COL5A1: variants seen among roughly 807,000 people sequenced by gnomAD.
The protein encoded by COL5A1 is collagen type V alpha 1 chain, also known as collagen alpha-1(V) chain.
A neutral mutation model predicts 263.7 loss-of-function variants in COL5A1; 16 were observed. The ratio of observed to expected loss-of-function variants is 0.06; its 90% CI spans 0.04 to 0.09. COL5A1 has a LOEUF of 0.09. Ranked by LOEUF, COL5A1 falls within the 10% of genes least tolerant of loss-of-function variation. The probability of loss-of-function intolerance (pLI) is 1.00; values close to 1 mark genes in which losing one functional copy is unlikely to be tolerated. For synonymous variants in COL5A1, 1,012 were observed against 1,004.5 expected (o/e 1.01, Z -0.14); for missense variants, 2,036 against 2,540.5 (o/e 0.80, Z 4.27).
Position 134,680,215 on chromosome 9 carries a change from A to C in COL5A1, c.110-10697A>C, listed in dbSNP as rs1832813358. On this transcript the variant is annotated intron_variant, in intron 1 of 65. Transcript: ENST00000371817. This position sits in a 1 kb window ranked among gnomAD's most constrained non-coding sequence, Gnocchi z 5.9. ...CCTCTGGGTACCTCAGAGCCCACTC[A>C]GGGCAGCCATCCAGGCGAAGGTTAA... 6.6e-6 allele frequency among the ~76,000 whole-genome samples: 1 copy of C among 152,200 alleles called. No individual in the cohort carries two copies. The highest frequency in any genetic ancestry group is 6.5e-5 in the Admixed American group (1 of 15,284).
At chr9:134,823,252 A>G (rs1839096788) in intron 60 of COL5A1, among the ~76,000 whole-genome samples, 164 bp from the exon 61 acceptor site, 1 of 152,178 alleles carries the variant, frequency 6.6e-6, no homozygotes, top group Non-Finnish European at 1.5e-5. Flanking sequence ...TCTCATCTCA[A>G]GGATCCAGGA....
intron 16 of COL5A1, among the ~76,000 whole-genome samples, chr9:134,756,391 G>T (rs952129426): frequency 1.4e-4 from 22 of 152,210 alleles, no homozygotes; most frequent in African/African-American, 5.1e-4. Flanking sequence ...GATGTCAGTG[G>T]CCTGCACTCG....
At chr9:134,645,619 C>T (rs4475579) in intron 1 of COL5A1, among the ~76,000 whole-genome samples, 15,381 of 152,292 alleles carry the variant, frequency 0.1, 1,094 homozygotes, top group South Asian at 0.13. Context: ...TGAGCATCAG[C>T]TGCACCATCT....
chr9:134,760,631 C>A (rs1467495175), intron 18 of COL5A1, among the ~76,000 whole-genome samples: 9 of 120,686 alleles, frequency 7.5e-5, no homozygotes, highest in East Asian at 2.9e-4. Context: ...ACCCACACAC[C>A]CCCACACTCA....
intron 63 of COL5A1, among the ~76,000 whole-genome samples, chr9:134,827,368 C>T (rs1027706316): frequency 6.6e-6 from 1 of 152,224 alleles, no homozygotes; most frequent in Non-Finnish European, 1.5e-5. Flanking sequence ...TCCCCTCCCC[C>T]ACCTGAAGTT....
At chr9:134,669,726 G>A (rs1229586085) in intron 1 of COL5A1, among the ~76,000 whole-genome samples, 6 of 152,180 alleles carry the variant, frequency 3.9e-5, no homozygotes, top group Non-Finnish European at 5.9e-5. Flanking sequence ...CTACCACGCC[G>A]GAGGAAGTGG....
intron 19 of COL5A1, among the ~76,000 whole-genome samples, 161 bp from the exon 20 acceptor site, chr9:134,763,532 G>C (rs1836546319): frequency 6.6e-6 from 1 of 152,256 alleles, no homozygotes; most frequent in South Asian, 2.1e-4. Context: ...AGCTTGCTGG[G>C]AGCGAGGACA....
intron 1 of COL5A1, among the ~76,000 whole-genome samples, chr9:134,660,612 G>T (rs1360308790): frequency 6.6e-6 from 1 of 152,162 alleles, no homozygotes; most frequent in African/African-American, 2.4e-5. Flanking sequence ...GTTAAGGAGG[G>T]TATTGCATCC....
chr9:134,793,439 T>C (rs1226756874), intron 32 of COL5A1, among the ~76,000 whole-genome samples: 1 of 152,048 alleles, frequency 6.6e-6, no homozygotes, highest in Non-Finnish European at 1.5e-5. Context: ...ATTCTTTGGC[T>C]TGAGTTAGTT....
chr9:134,834,550 C>T (rs550519034), intron 64 of COL5A1, among the ~76,000 whole-genome samples: 5 of 152,252 alleles, frequency 3.3e-5, no homozygotes, highest in Admixed American at 6.5e-5. Context: ...CGGCCAGTAA[C>T]GAGCAAGAAG....
At chr9:134,744,975 C>T (rs1488528927) in intron 11 of COL5A1, among the ~76,000 whole-genome samples, 2 of 152,276 alleles carry the variant, frequency 1.3e-5, no homozygotes, top group African/African-American at 4.8e-5. Flanking sequence ...TTCACCTCCA[C>T]ACGGCCCTTC....
chr9:134,655,712 A>G (rs1326690263), intron 1 of COL5A1, among the ~76,000 whole-genome samples: 1 of 152,114 alleles, frequency 6.6e-6, no homozygotes, highest in Non-Finnish European at 1.5e-5. Flanking sequence ...GGGCTTGTGA[A>G]AGTGCCACAG....
At chr9:134,802,837 C>T (rs1245567445) in intron 38 of COL5A1, 51 bp from the exon 39 acceptor site, 1 of 1,330,858 alleles carries the variant, frequency 7.5e-7, no homozygotes, top group Admixed American at 1.8e-5. Context: ...GATTCTCACT[C>T]CCTTGCAAGT....
chr9:134,816,050 A>C (rs1838732205), intron 52 of COL5A1, 62 bp downstream of exon 52: 1 of 1,546,190 alleles, frequency 6.5e-7, no homozygotes, highest in African/African-American at 1.4e-5. Flanking sequence ...GGGACCTTGC[A>C]GCTTGCTTGA....
At chr9:134,687,966 G>T (rs1833137357) in intron 1 of COL5A1, among the ~76,000 whole-genome samples, 1 of 152,230 alleles carries the variant, frequency 6.6e-6, no homozygotes, top group Non-Finnish European at 1.5e-5. Flanking sequence ...CTTGTGCTGT[G>T]TCCAAGTGGA....
chr9:134,826,109 C>T (rs547322326), intron 63 of COL5A1, among the ~76,000 whole-genome samples: 35 of 152,322 alleles, frequency 2.3e-4, no homozygotes, highest in Admixed American at 6.5e-4. Flanking sequence ...TTGTGCAGCC[C>T]GGGGTCAGGA....
intron 9 of COL5A1, among the ~76,000 whole-genome samples, chr9:134,735,031 C>T (rs566251234): frequency 4.0e-4 from 61 of 152,054 alleles, no homozygotes; most frequent in African/African-American, 1.4e-3. Context: ...ACCACCATGG[C>T]AAAACCCTGT....
rs1444421128 is a variant in COL5A1 at position 134,747,998 on chromosome 9, CAT to C, written c.1495-2542_1495-2541del. Among the ~76,000 whole-genome samples the C allele has an allele frequency of 1.1e-4, 14 of 122,150 alleles. No homozygotes were observed. The East Asian group carries it at 2.7e-3, about 24-fold the overall frequency. 80.1% of individuals were successfully genotyped at this position (122,150 alleles called of 152,430 possible). A position where few individuals can be genotyped will look rare whatever the true frequency, so the allele number is the denominator to read the frequency against. ...TCACACACACATGCATTCACACACA[CAT>C]ACACATGCATTCACACACATGCATT... On this transcript the variant is annotated intron_variant, in intron 11 of 65. Coordinates refer to ENST00000371817, the MANE Select transcript of COL5A1 (RefSeq NM_000093.5).
chr9:134,741,089 C>T lies in COL5A1; in HGVS notation c.1494+2281C>T, dbSNP rs1165681042. On this transcript the variant is annotated intron_variant, in intron 11 of 65. Coordinates refer to ENST00000371817, the MANE Select transcript of COL5A1 (RefSeq NM_000093.5). This position sits in a 1 kb window ranked among gnomAD's most constrained non-coding sequence, Gnocchi z 4.5. ...AGCCATCCCTGCTCACCGCTCAGCG[C>T]CCTCTTGATGTCCAGATCTTGCTCG... 6.6e-6 allele frequency among the ~76,000 whole-genome samples: 1 copy of T among 152,164 alleles called. No individual in the cohort carries two copies. Among genetic ancestry groups the T allele is most frequent in the African/African-American group, 2.4e-5 (1 of 41,432 alleles).
Sources: allele counts gnomAD v4.1 joint callset (sites outside exome capture counted in the v4.1 genomes callset), GRCh38; gene constraint gnomAD v4.1.1; non-coding constraint Gnocchi (gnomAD v3.1); transcripts MANE v1.5; gene names NCBI Gene and HGNC (gene_info 2026-07-23, HGNC 2026-07-21).